LCA5L: variants seen among roughly 807,000 people sequenced by gnomAD.
LCA5L encodes lebercilin-like protein.
In LCA5L, 35 loss-of-function variants were observed where a neutral mutation model predicts 45.4. The observed-to-expected ratio is 0.77, with a 90% CI of 0.59 to 1.02. LCA5L has a LOEUF of 1.02. Ranked by LOEUF, LCA5L falls within the 50% of genes least tolerant of loss-of-function variation. LCA5L has a pLI of 0.00. For missense variants in LCA5L, 668 were observed against 761.6 expected (o/e 0.88, Z 1.45); for synonymous variants, 233 against 264.7 (o/e 0.88, Z 1.16).
At position 39,410,832 on chromosome 21, in the gene LCA5L, C is replaced by G. The variant is rs150486460; in HGVS notation, c.1061-465G>C. ...CAACCCCTCGGTTGATTCATTGTCT[C>G]TATTATTCTAGATTATAAGCCAGAA... On this transcript the variant is annotated intron_variant, in intron 8 of 10. Transcript: ENST00000288350. 2.1e-4 allele frequency: 98 copies of G among 471,110 alleles called. 1 individual carries two copies. Among genetic ancestry groups the G allele is most frequent in the African/African-American group, 1.6e-3 (81 of 50,198 alleles). 29.2% of individuals were successfully genotyped at this position (471,110 alleles called of 1,614,324 possible). A position where few individuals can be genotyped will look rare whatever the true frequency, so the allele number is the denominator to read the frequency against.
chr21:39,426,461 T>A (rs1427376970), intron 5 of LCA5L, among the ~76,000 whole-genome samples: 1 of 152,222 alleles, frequency 6.6e-6, no homozygotes, highest in Non-Finnish European at 1.5e-5. Flanking sequence ...GATCTCTTAT[T>A]GTAAACCCTT....
At chr21:39,411,081 CA>C in intron 8 of LCA5L, 1 of 357,090 alleles carries the variant, frequency 2.8e-6, no homozygotes, top group Non-Finnish European at 5.5e-6. Context: ...AGATGAATCT[CA>C]AAAACACTAT....
At chr21:39,427,390 C>T (rs774287574) in intron 5 of LCA5L, among the ~76,000 whole-genome samples, 74 of 152,098 alleles carry the variant, frequency 4.9e-4, no homozygotes, top group Non-Finnish European at 7.6e-4. Context: ...GAGCCGGGCG[C>T]GGTGGCTCAC....
chr21:39,441,208 C>G (rs186548049), intron 2 of LCA5L, among the ~76,000 whole-genome samples: 23 of 152,186 alleles, frequency 1.5e-4, no homozygotes, highest in Admixed American at 1.2e-3. Flanking sequence ...CCCAGCCACT[C>G]AGGAGGCTGA....
chr21:39,427,396 C>T (rs1296702401), intron 5 of LCA5L, among the ~76,000 whole-genome samples: 1 of 152,254 alleles, frequency 6.6e-6, no homozygotes, highest in African/African-American at 2.4e-5. Flanking sequence ...GGCGCGGTGG[C>T]TCACGCCTGT....
chr21:39,425,430 C>A (rs1271197706), intron 5 of LCA5L, among the ~76,000 whole-genome samples: 3 of 152,164 alleles, frequency 2.0e-5, no homozygotes, highest in African/African-American at 7.2e-5. Context: ...GGTGGCCTGT[C>A]TTTGCAATTA....
chr21:39,430,883 CCTGA>C (rs954559193), intron 3 of LCA5L, among the ~76,000 whole-genome samples: 7 of 152,322 alleles, frequency 4.6e-5, no homozygotes, highest in Admixed American at 2.0e-4. Flanking sequence ...TTGTCCCTCT[CCTGA>C]CTTTGTCCTT....
chr21:39,417,983 GTC>G (rs2041578250), intron 7 of LCA5L, among the ~76,000 whole-genome samples: 1 of 152,154 alleles, frequency 6.6e-6, no homozygotes, highest in Non-Finnish European at 1.5e-5. Context: ...TGCCAGGATT[GTC>G]TCCATCTCCT....
At chr21:39,413,128 A>G (rs1007746090) in intron 7 of LCA5L, among the ~76,000 whole-genome samples, 4 of 152,196 alleles carry the variant, frequency 2.6e-5, no homozygotes, top group African/African-American at 9.7e-5. Context: ...TTCAGTACAC[A>G]TCAGACAGGG....
chr21:39,413,544 T>C (rs572529674), intron 7 of LCA5L, among the ~76,000 whole-genome samples: 6 of 152,238 alleles, frequency 3.9e-5, no homozygotes, highest in Admixed American at 6.5e-5. Flanking sequence ...AAAATTAGTT[T>C]ATTATCAGAG....
intron 10 of LCA5L, 174 bp from the exon 11 acceptor site, chr21:39,406,786 TG>T: frequency 1.9e-6 from 1 of 538,466 alleles, no homozygotes; most frequent in East Asian, 3.0e-5. Flanking sequence ...TATTAACAAA[TG>T]TGTTATGTTA....
chr21:39,436,481 A>G (rs1272973822), intron 2 of LCA5L, among the ~76,000 whole-genome samples: 2 of 152,130 alleles, frequency 1.3e-5, no homozygotes, highest in African/African-American at 4.8e-5. Flanking sequence ...ATGGGTAGGT[A>G]ATTACATACA....
chr21:39,406,617 AT>A lies in LCA5L; in HGVS notation c.1283-6del. 6.4e-7 allele frequency: 1 copy of A among 1,556,654 alleles called. No homozygotes were observed. The highest frequency in any genetic ancestry group is 8.7e-7 in the Non-Finnish European group (1 of 1,155,772). ...GTTTCTCTTCCCCTGATAAATCTAT[AT>A]TAGAAAAATAGGCAATTTAGTGCTG... On this transcript the variant is annotated splice_polypyrimidine_tract_variant and splice_region_variant and intron_variant, in intron 10 of 10. Transcript: ENST00000288350.
intron 7 of LCA5L, among the ~76,000 whole-genome samples, chr21:39,417,031 T>C (rs1464543910): frequency 6.6e-6 from 1 of 151,258 alleles, no homozygotes; most frequent in Admixed American, 6.6e-5. Flanking sequence ...TATTTAGGGA[T>C]AGCTTTTTAT....
At chr21:39,412,011 G>C (rs1322522689) in intron 7 of LCA5L, among the ~76,000 whole-genome samples, 1 of 152,180 alleles carries the variant, frequency 6.6e-6, no homozygotes, top group African/African-American at 2.4e-5. Flanking sequence ...TTGTGATCGG[G>C]ACAGTATTTT....
At chr21:39,414,587 A>G (rs760797397) in intron 7 of LCA5L, among the ~76,000 whole-genome samples, 1 of 152,120 alleles carries the variant, frequency 6.6e-6, no homozygotes, top group Non-Finnish European at 1.5e-5. Flanking sequence ...ACTCGCTACC[A>G]AAAGGTGGAG....
At chr21:39,427,434 A>G (rs956994569) in intron 5 of LCA5L, among the ~76,000 whole-genome samples, 1 of 152,004 alleles carries the variant, frequency 6.6e-6, no homozygotes, top group Non-Finnish European at 1.5e-5. Flanking sequence ...AGGCCGAGGC[A>G]GGCGGATCAC....
Position 39,406,524 on chromosome 21 carries a change from C to T in LCA5L, c.1371G>A (p.Lys457=). The T allele has an allele frequency of 1.2e-6, 2 of 1,613,034 alleles. No individual in the cohort carries two copies. Among genetic ancestry groups the T allele is most frequent in the Non-Finnish European group, 1.7e-6 (2 of 1,179,708 alleles). ...RQKDKKEDQE[K]KNIFVKEEQE... ...GCTCTTCTTTCACAAAAATGTTTTT[C>T]TTTTCTTGGTCTTCTTTTTTGTCTT... Residue 457 remains lysine, a synonymous_variant, in exon 11 of 11, where the codon AAG becomes AAA. Transcript: ENST00000288350.
At chr21:39,431,348 G>A (rs1183209747) in intron 3 of LCA5L, among the ~76,000 whole-genome samples, 2 of 152,016 alleles carry the variant, frequency 1.3e-5, no homozygotes, top group African/African-American at 4.8e-5. Flanking sequence ...CAATGTTTCA[G>A]TGAGAAGATC....
Sources: gnomAD v4.1 joint callset for allele counts (sites outside exome capture counted in the v4.1 genomes callset) on GRCh38, gnomAD v4.1.1 for gene constraint, MANE v1.5 for transcripts, NCBI Gene and HGNC (gene_info 2026-07-23, HGNC 2026-07-21) for gene names.